The following SLC25A21 variants were observed in gnomAD, a reference collection of about 807,000 sequenced individuals.
SLC25A21 encodes mitochondrial 2-oxodicarboxylate carrier.
A neutral mutation model predicts 43.8 loss-of-function variants in SLC25A21; 47 were observed. The ratio of observed to expected loss-of-function variants is 1.07; its 90% CI spans 0.85 to 1.37. SLC25A21 has a LOEUF of 1.37. Among genes scored for constraint, SLC25A21 ranks in the 40% most tolerant of loss-of-function variants. The probability of loss-of-function intolerance (pLI) is 0.00; values close to 1 mark genes in which losing one functional copy is unlikely to be tolerated. For missense variants in SLC25A21, 352 were observed against 350.2 expected (o/e 1.00, Z -0.04); for synonymous variants, 131 against 121.3 (o/e 1.08, Z -0.52).
intron 2 of SLC25A21, among the ~76,000 whole-genome samples, chr14:36,844,441 G>A (rs1370170820): frequency 6.6e-6 from 1 of 152,200 alleles, no homozygotes; most frequent in Non-Finnish European, 1.5e-5. Flanking sequence ...GGAGAATCCA[G>A]CAAACCAGGT....
intron 1 of SLC25A21, among the ~76,000 whole-genome samples, chr14:37,083,801 C>T (rs1308629852): frequency 1.3e-5 from 2 of 152,204 alleles, no homozygotes; most frequent in South Asian, 2.1e-4. Flanking sequence ...GACTCTTACG[C>T]ATGCTGAAGA....
At chr14:37,155,283 A>G (rs1398462210) in intron 1 of SLC25A21, among the ~76,000 whole-genome samples, 9 of 152,166 alleles carry the variant, frequency 5.9e-5, no homozygotes, top group Non-Finnish European at 1.3e-4. Context: ...AGGCTTCATG[A>G]CATTTGGGGC....
chr14:37,014,004 T>C (rs1384948995), intron 1 of SLC25A21, among the ~76,000 whole-genome samples: 3 of 152,122 alleles, frequency 2.0e-5, no homozygotes, highest in African/African-American at 4.8e-5. Flanking sequence ...ATTTCAAAAA[T>C]ACTTTATTGC....
At chr14:36,829,852 C>T (rs572953725) in intron 2 of SLC25A21, among the ~76,000 whole-genome samples, 4 of 152,276 alleles carry the variant, frequency 2.6e-5, no homozygotes, top group African/African-American at 9.6e-5. Flanking sequence ...GCAAATAGTA[C>T]ACCTTCATAT....
intron 1 of SLC25A21, among the ~76,000 whole-genome samples, chr14:37,018,305 T>G (rs1342506275): frequency 1.3e-5 from 2 of 152,044 alleles, no homozygotes; most frequent in East Asian, 3.9e-4. Context: ...TCAACACTGT[T>G]ACCTATCTTA....
intron 1 of SLC25A21, among the ~76,000 whole-genome samples, chr14:37,171,390 A>G (rs1272850698): frequency 2.0e-5 from 3 of 150,436 alleles, no homozygotes; most frequent in African/African-American, 7.4e-5. Flanking sequence ...TAAACATTAA[A>G]CATTTTCTAG....
chr14:36,798,643 A>T (rs1447683000), intron 3 of SLC25A21, among the ~76,000 whole-genome samples: 1 of 151,940 alleles, frequency 6.6e-6, no homozygotes, highest in Non-Finnish European at 1.5e-5. Flanking sequence ...TTGCTGGGTC[A>T]TAAGTATTCT....
At chr14:36,916,435 T>C (rs1458877680) in intron 1 of SLC25A21, among the ~76,000 whole-genome samples, 1 of 152,200 alleles carries the variant, frequency 6.6e-6, no homozygotes, top group Non-Finnish European at 1.5e-5. Context: ...TCCATACTGT[T>C]TTAGCACAAA....
rs1440740965 is a variant in SLC25A21 at position 36,938,001 on chromosome 14, T to A, written c.71-62997A>T. On this transcript the variant is annotated intron_variant, in intron 1 of 9. Coordinates refer to ENST00000331299, the MANE Select transcript of SLC25A21 (RefSeq NM_030631.4). ...ACATTTTCTGGAGAGAAGAACAACTTTTTTTAAAAAAAAATTTTTTTTAAT... is the reference window on the plus strand; with the variant it reads ...ACATTTTCTGGAGAGAAGAACAACTATTTTTAAAAAAAAATTTTTTTTAAT... Among the ~76,000 whole-genome samples the A allele has an allele frequency of 2.7e-5, 4 of 150,760 alleles. 1 individual carries two copies. In the South Asian group the frequency reaches 6.2e-4, roughly 23 times the overall value.
chr14:36,943,061 A>G (rs1892603252), intron 1 of SLC25A21, among the ~76,000 whole-genome samples: 1 of 152,220 alleles, frequency 6.6e-6, no homozygotes, highest in Admixed American at 6.5e-5. Context: ...AATTACTACT[A>G]CATGCCAGAG....
At chr14:36,962,833 T>G (rs1959526050) in intron 1 of SLC25A21, among the ~76,000 whole-genome samples, 1 of 152,190 alleles carries the variant, frequency 6.6e-6, no homozygotes, top group Non-Finnish European at 1.5e-5. Flanking sequence ...AACAGTCTCT[T>G]TTAGGGGTTA....
intron 1 of SLC25A21, among the ~76,000 whole-genome samples, chr14:37,012,202 C>A (rs1465144996): frequency 6.6e-6 from 1 of 152,122 alleles, no homozygotes; most frequent in Non-Finnish European, 1.5e-5. Flanking sequence ...TACTGTATAT[C>A]ACCGCTGAAA....
chr14:36,960,767 A>G (rs1959470086), intron 1 of SLC25A21, among the ~76,000 whole-genome samples: 1 of 152,110 alleles, frequency 6.6e-6, no homozygotes, highest in Non-Finnish European at 1.5e-5. Flanking sequence ...AGCACCAAAC[A>G]CAGTTATAGC....
At chr14:37,010,632 C>G (rs1470020487) in intron 1 of SLC25A21, among the ~76,000 whole-genome samples, 1 of 152,154 alleles carries the variant, frequency 6.6e-6, no homozygotes, top group Non-Finnish European at 1.5e-5. Flanking sequence ...TGAGAGTGAG[C>G]AAGAGGCCTT....
intron 7 of SLC25A21, among the ~76,000 whole-genome samples, chr14:36,695,376 A>G (rs186643241): frequency 2.0e-5 from 3 of 152,184 alleles, no homozygotes; most frequent in African/African-American, 7.2e-5. Context: ...TTGGCTTAGG[A>G]TTGTCTTGGC....
At chr14:36,838,192 C>G (rs931040971) in intron 2 of SLC25A21, among the ~76,000 whole-genome samples, 6 of 152,178 alleles carry the variant, frequency 3.9e-5, no homozygotes, top group South Asian at 2.1e-4. Context: ...GGGCCTCACT[C>G]GGCTTTCTCC....
Position 36,961,234 on chromosome 14 carries a change from CG to C in SLC25A21, c.71-86231del, listed in dbSNP as rs1566773366. ...CGTTTTTTGGTTTTTTTTTTTGAGA[CG>C]GAGCCTCGCTCTGTCGCCCAGGCTG... On this transcript the variant is annotated intron_variant, in intron 1 of 9. Coordinates refer to ENST00000331299, the MANE Select transcript of SLC25A21 (RefSeq NM_030631.4). Among the ~76,000 whole-genome samples the C allele has an allele frequency of 6.2e-3, 944 of 151,338 alleles. 11 individuals carry two copies. The highest frequency in any genetic ancestry group is 0.02 in the African/African-American group (834 of 41,250).
At chr14:36,914,351 C>T (rs889091439) in intron 1 of SLC25A21, among the ~76,000 whole-genome samples, 2 of 152,176 alleles carry the variant, frequency 1.3e-5, no homozygotes, top group Non-Finnish European at 2.9e-5. Context: ...GTAAGGTAAA[C>T]TCTGACAGCT....
intron 2 of SLC25A21, among the ~76,000 whole-genome samples, chr14:36,870,161 G>C (rs1032044866): frequency 6.6e-6 from 1 of 152,172 alleles, no homozygotes; most frequent in South Asian, 2.1e-4. Flanking sequence ...ATGTAAGAAG[G>C]GGAAATGGGG....
Sources: gnomAD v4.1 joint callset for allele counts (sites outside exome capture counted in the v4.1 genomes callset) on GRCh38, gnomAD v4.1.1 for gene constraint, MANE v1.5 for transcripts, NCBI Gene and HGNC (gene_info 2026-07-23, HGNC 2026-07-21) for gene names.